The following AOPEP variants were observed in gnomAD, a reference collection of about 807,000 sequenced individuals.
AOPEP encodes aminopeptidase O (putative).
In AOPEP, 77 loss-of-function variants were observed where a neutral mutation model predicts 98.1. The observed-to-expected ratio is 0.78, with a 90% CI of 0.65 to 0.95. The LOEUF (loss-of-function observed/expected upper bound fraction) is 0.95. Among genes scored for constraint, AOPEP ranks in the 40% least tolerant of loss-of-function variants. The pLI is 0.00. For synonymous variants in AOPEP, 346 were observed against 365.3 expected, an observed-to-expected ratio of 0.95 and a Z score of 0.60; for missense variants, 1,024 against 1,024.7, an observed-to-expected ratio of 1.00 and a Z score of 0.01.
At chr9:95,073,864 C>CA in intron 14 of AOPEP, among the ~76,000 whole-genome samples, 1 of 151,852 alleles carries the variant, frequency 6.6e-6, no homozygotes. Flanking sequence ...TCTCAAAAAA[C>CA]AAAAAACAAA....
chr9:94,831,220 A>AT (rs1855894718), intron 5 of AOPEP, among the ~76,000 whole-genome samples: 1 of 152,008 alleles, frequency 6.6e-6, no homozygotes. Context: ...TCTTATGTTA[A>AT]TTTTTTTATA....
At chr9:94,909,631 CGT>C (rs1337901540) in intron 5 of AOPEP, among the ~76,000 whole-genome samples, 3 of 152,130 alleles carry the variant, frequency 2.0e-5, no homozygotes, top group African/African-American at 7.2e-5. Context: ...ACTGCTGTGA[CGT>C]GTGTGACGTC....
At chr9:95,149,941 A>G in the AOPEP span, 33 of 1,607,676 alleles carry the variant, frequency 2.1e-5, 1 homozygote, top group Admixed American at 4.3e-4. Context: ...GGCCTCGTTT[A>G]CAGCCTCAAA....
chr9:94,952,143 C>T (rs1426334445), intron 7 of AOPEP, among the ~76,000 whole-genome samples: 2 of 152,224 alleles, frequency 1.3e-5, no homozygotes, highest in African/African-American at 4.8e-5. Context: ...CATTGGTCCT[C>T]AGGTGCATAG....
chr9:94,759,268 A>G (rs997824105), intron 1 of AOPEP, among the ~76,000 whole-genome samples: 6 of 152,250 alleles, frequency 3.9e-5, no homozygotes, highest in African/African-American at 1.4e-4. Context: ...ATCACAGTGG[A>G]AAAACAATCA....
At chr9:94,914,741 T>C (rs2052566525) in intron 5 of AOPEP, among the ~76,000 whole-genome samples, 1 of 152,196 alleles carries the variant, frequency 6.6e-6, no homozygotes, top group African/African-American at 2.4e-5. Flanking sequence ...ACAGTGCAGA[T>C]CAGCAGCTCT....
intron 5 of AOPEP, among the ~76,000 whole-genome samples, chr9:94,833,974 C>T (rs2041238087): frequency 6.6e-6 from 1 of 151,184 alleles, no homozygotes; most frequent in South Asian, 2.1e-4. Flanking sequence ...GAGTACATAA[C>T]AACCCTGTTG....
intron 5 of AOPEP, among the ~76,000 whole-genome samples, chr9:94,814,711 A>G (rs946126551): frequency 6.6e-6 from 1 of 152,234 alleles, no homozygotes; most frequent in Non-Finnish European, 1.5e-5. Context: ...CAGAATGCAA[A>G]GGGATACAAA....
intron 5 of AOPEP, among the ~76,000 whole-genome samples, chr9:94,860,662 G>T (rs759300312): frequency 6.6e-6 from 1 of 152,132 alleles, no homozygotes; most frequent in Non-Finnish European, 1.5e-5. Context: ...GGAAGAGGGA[G>T]ATGTCAAGGG....
At chr9:95,093,405 C>T in the AOPEP span, among the ~76,000 whole-genome samples, 3 of 152,170 alleles carry the variant, frequency 2.0e-5, no homozygotes, top group African/African-American at 2.4e-5. Context: ...ACGGTGACTA[C>T]GGTGCAAGGA....
intron 9 of AOPEP, among the ~76,000 whole-genome samples, chr9:94,960,024 C>CATTATTATAAAAGA: frequency 6.6e-6 from 1 of 152,194 alleles, no homozygotes; most frequent in East Asian, 1.9e-4. Context: ...GGTTAAGAAA[C>CATTATTATAAAAGA]ATTATTATAA....
intron 5 of AOPEP, among the ~76,000 whole-genome samples, chr9:94,834,223 A>G (rs569367125): frequency 2.6e-5 from 4 of 152,358 alleles, no homozygotes; most frequent in East Asian, 1.9e-4. Flanking sequence ...AATCCAGGCA[A>G]TCTTAGGCTC....
chr9:95,108,500 T>C, the AOPEP span, among the ~76,000 whole-genome samples: 1 of 152,230 alleles, frequency 6.6e-6, no homozygotes, highest in Non-Finnish European at 1.5e-5. Context: ...ATGGGGTCTA[T>C]CTTCCTTTAT....
At chr9:95,123,533 AGAAG>A in the AOPEP span, 1 of 514,352 alleles carries the variant, frequency 1.9e-6, no homozygotes, top group Non-Finnish European at 3.9e-6. Flanking sequence ...GATGAAAAAA[AGAAG>A]GAACAACGGT....
At chr9:95,138,881 G>C in the AOPEP span, among the ~76,000 whole-genome samples, 1 of 152,216 alleles carries the variant, frequency 6.6e-6, no homozygotes, top group Non-Finnish European at 1.5e-5. Context: ...GTTTGAAAAC[G>C]ATGTGTGTTA....
chr9:95,053,597 G>A (rs2066574187), intron 13 of AOPEP, among the ~76,000 whole-genome samples: 1 of 152,158 alleles, frequency 6.6e-6, no homozygotes, highest in Admixed American at 6.5e-5. Context: ...AAATGTCACT[G>A]TTTGTAAATT....
intron 5 of AOPEP, among the ~76,000 whole-genome samples, chr9:94,869,968 T>C (rs2046136707): frequency 7.8e-6 from 1 of 127,396 alleles, no homozygotes; most frequent in Non-Finnish European, 1.6e-5. Flanking sequence ...ATAGAAGCCA[T>C]GAATTTTTTT....
chr9:94,871,477 A>G (rs1239873338), intron 5 of AOPEP, among the ~76,000 whole-genome samples: 1 of 152,122 alleles, frequency 6.6e-6, no homozygotes, highest in Non-Finnish European at 1.5e-5. Context: ...TGATATTTTG[A>G]TCCCATTTCC....
At chr9:94,774,824 T>C (rs1357110128) in intron 3 of AOPEP, among the ~76,000 whole-genome samples, 1 of 152,224 alleles carries the variant, frequency 6.6e-6, no homozygotes, top group Non-Finnish European at 1.5e-5. Flanking sequence ...TCTGTAGTTA[T>C]GAGGGTCCTT....
Sources: allele counts gnomAD v4.1 joint callset (sites outside exome capture counted in the v4.1 genomes callset), GRCh38; gene constraint gnomAD v4.1.1; transcripts MANE v1.5; gene names NCBI Gene and HGNC (gene_info 2026-07-23, HGNC 2026-07-21).